The following SULT6B1 variants were observed in gnomAD, a reference collection of about 807,000 sequenced individuals.
SULT6B1 encodes the protein sulfotransferase family 6B member 1.
Under a neutral mutation model 37.2 loss-of-function variants are expected in SULT6B1, and 44 were observed. The observed-to-expected ratio is 1.18, with a 90% CI of 0.93 to 1.52. The LOEUF (loss-of-function observed/expected upper bound fraction) is 1.52. Among genes scored for constraint, SULT6B1 ranks in the 40% most tolerant of loss-of-function variants. The probability of loss-of-function intolerance (pLI) is 0.00; values close to 1 mark genes in which losing one functional copy is unlikely to be tolerated. For synonymous variants in SULT6B1, 140 were observed against 126.0 expected (o/e 1.11, Z -0.74); for missense variants, 450 against 361.0 (o/e 1.25, Z -2.00).
intron 5 of SULT6B1, among the ~76,000 whole-genome samples, 178 bp from the exon 6 acceptor site, chr2:37,171,768 A>G (rs1314584008): frequency 6.6e-6 from 1 of 152,174 alleles, no homozygotes. Context: ...TCTGTAAGAT[A>G]TTCTGTATTG....
rs56665951 is a variant in SULT6B1, at chr2:37,182,253, A to AT, written c.402+1171dup. Among the ~76,000 whole-genome samples the AT allele has an allele frequency of 4.1e-3, 560 of 137,434 alleles. 4 individuals are homozygous for AT. Among genetic ancestry groups the AT allele is most frequent in the South Asian group, 8.3e-3 (37 of 4,472 alleles). 90.2% of individuals were successfully genotyped at this position (137,434 alleles called of 152,430 possible). ...CTTGCTAGCATTCGGCAGAAGTTAA[A>AT]TTTTTTTTTTTTTTTTTTGAGACAA... On this transcript the variant is annotated intron_variant, in intron 3 of 6. Transcript: ENST00000535679.
chr2:37,173,397 A>AT (rs1676347169), intron 5 of SULT6B1, among the ~76,000 whole-genome samples: 1 of 152,132 alleles, frequency 6.6e-6, no homozygotes, highest in South Asian at 2.1e-4. Context: ...ACCTACGTAT[A>AT]TATTTCCATG....
intron 3 of SULT6B1, among the ~76,000 whole-genome samples, chr2:37,182,299 G>A (rs1243390088): frequency 2.0e-5 from 3 of 150,548 alleles, no homozygotes; most frequent in African/African-American, 7.4e-5. Flanking sequence ...TGCCGCCCAG[G>A]CTGGAGAGCA....
chr2:37,181,919 A>AG (rs1676559744), intron 3 of SULT6B1, among the ~76,000 whole-genome samples: 1 of 152,246 alleles, frequency 6.6e-6, no homozygotes, highest in Non-Finnish European at 1.5e-5. Flanking sequence ...AAGCTGGCTT[A>AG]GGGGATACTG....
chr2:37,187,362 T>G lies in SULT6B1; in HGVS notation c.305A>C (p.Lys102Thr). ...AAGGCTGGTTGTACTAACCTGATAT[T>G]TTTCTGAATCCCCACATTCAAGAAC... is the stretch of plus-strand genomic sequence containing the variant. The part of the protein sequence containing the change: ...FPVLECGDSE[K>T]YQRMKGFPSP... The change falls in exon 2 of 7, where the codon AAA becomes ACA. Residue 102 changes from lysine (K) to threonine (T), a missense_variant. Coordinates refer to ENST00000535679, the MANE Select transcript of SULT6B1 (RefSeq NM_001367551.1). 1 of 1,589,632 alleles carries G rather than the reference T, an allele frequency of 6.3e-7. No homozygotes were observed. Among genetic ancestry groups the G allele is most frequent in the Non-Finnish European group, 8.6e-7 (1 of 1,159,670 alleles).
rs990321629 is a variant in SULT6B1 at position 37,179,575 on chromosome 2, T to C, written c.412A>G (p.Ile138Val). ...GCTGTATCTTTAGGGTTTCGAAATA[T>C]CACCAATATCTAGGGAGCAAAAATT... ...IFENKAKILV[I>V]FRNPKDTAVS... The change falls in exon 4 of 7, where the codon ATA becomes GTA. Residue 138 changes from isoleucine (I) to valine (V), a missense_variant. Coordinates refer to ENST00000535679, the MANE Select transcript of SULT6B1 (RefSeq NM_001367551.1). 16 of 1,611,080 alleles carry C rather than the reference T, an allele frequency of 9.9e-6. No homozygotes were observed. Among genetic ancestry groups the C allele is most frequent in the Non-Finnish European group, 1.4e-5 (16 of 1,179,590 alleles).
At chr2:37,178,433 G>C (rs1404700543) in intron 4 of SULT6B1, among the ~76,000 whole-genome samples, 1 of 151,898 alleles carries the variant, frequency 6.6e-6, no homozygotes, top group Non-Finnish European at 1.5e-5. Context: ...ACGGGGTTTT[G>C]CCATGTTGGC....
chr2:37,190,451 T>C (rs868106012), upstream of SULT6B1, among the ~76,000 whole-genome samples: 17 of 152,334 alleles, frequency 1.1e-4, no homozygotes, highest in Middle Eastern at 3.4e-3. Context: ...AGTACTTGCA[T>C]GTACCACATC....
Position 37,171,494 on chromosome 2 carries a change from C to A in SULT6B1, c.721G>T (p.Ala241Ser). 6.2e-7 allele frequency: 1 copy of A among 1,614,164 alleles called. No homozygotes were observed. Among genetic ancestry groups the A allele is most frequent in the Non-Finnish European group, 8.5e-7 (1 of 1,180,028 alleles). Reference protein sequence around the residue: ...QTISVQSTFQAMRAKSQDTHG... With the variant: ...QTISVQSTFQSMRAKSQDTHG... ...GTGTCCTGAGACTTCGCACGCATGGCTTGGAAGGTGCTCTGGACTGAGATA... is the reference window on the plus strand; with the variant it reads ...GTGTCCTGAGACTTCGCACGCATGGATTGGAAGGTGCTCTGGACTGAGATA... The change falls in exon 6 of 7, where the codon GCC (alanine) becomes TCC (serine). Residue 241 changes from alanine to serine, a missense_variant. By Grantham distance (99) the Ala-to-Ser change is moderately conservative. Coordinates refer to ENST00000535679, the MANE Select transcript of SULT6B1 (RefSeq NM_001367551.1).
chr2:37,173,520 C>T (rs1466973672), intron 5 of SULT6B1, among the ~76,000 whole-genome samples: 1 of 152,134 alleles, frequency 6.6e-6, no homozygotes, highest in Non-Finnish European at 1.5e-5. Context: ...TCAATTAGGA[C>T]GACTAATAAA....
At chr2:37,191,412 C>T (rs533819734), upstream of SULT6B1, among the ~76,000 whole-genome samples, 3 of 152,308 alleles carry the variant, frequency 2.0e-5, no homozygotes, top group South Asian at 2.1e-4. Context: ...TATGTTATAG[C>T]TCATTCAGTC....
upstream of SULT6B1, among the ~76,000 whole-genome samples, chr2:37,191,553 T>G (rs1017160): frequency 0.055 from 8,338 of 152,238 alleles, 814 homozygotes; most frequent in East Asian, 0.38. Flanking sequence ...GTACCCACAT[T>G]TGGCAGATCG....
chr2:37,172,881 C>A (rs1676336883), intron 5 of SULT6B1, among the ~76,000 whole-genome samples: 1 of 149,942 alleles, frequency 6.7e-6, no homozygotes, highest in African/African-American at 2.5e-5. Flanking sequence ...GAGATGGAGT[C>A]TTGCTCTGTG....
upstream of SULT6B1, among the ~76,000 whole-genome samples, chr2:37,188,880 G>A (rs1021502245): frequency 3.3e-5 from 5 of 152,114 alleles, no homozygotes; most frequent in Non-Finnish European, 5.9e-5. Flanking sequence ...TGACCATTTC[G>A]GCAACCTGCC....
At chr2:37,175,302 A>T (rs1471373371) in intron 4 of SULT6B1, 76 bp from the exon 5 acceptor site, 1 of 772,546 alleles carries the variant, frequency 1.3e-6, no homozygotes, top group East Asian at 2.8e-5. Flanking sequence ...TATGCTATAA[A>T]ATATAAACTA....
rs11569747 is a variant in SULT6B1 at position 37,179,573 on chromosome 2, T to A, written c.414A>T (p.Ile138=). 1.2e-6 allele frequency: 2 copies of A among 1,610,952 alleles called. No individual in the cohort carries two copies. The highest frequency in any genetic ancestry group is 2.2e-5 in the South Asian group (2 of 90,240). Reference sequence around the variant, plus strand: ...CTGCTGTATCTTTAGGGTTTCGAAATATCACCAATATCTAGGGAGCAAAAA... The same window carrying A: ...CTGCTGTATCTTTAGGGTTTCGAAAAATCACCAATATCTAGGGAGCAAAAA... ...IFENKAKILV[I]FRNPKDTAVS... The change falls in exon 4 of 7, where the codon ATA becomes ATT. Residue 138 remains isoleucine, a synonymous_variant. Transcript: ENST00000535679.
chr2:37,183,447 G>C lies in SULT6B1; in HGVS notation c.380C>G (p.Ser127Cys), dbSNP rs1276675632. 6.2e-7 allele frequency: 1 copy of C among 1,614,024 alleles called. No homozygotes were observed. Among genetic ancestry groups the C allele is most frequent in the Non-Finnish European group, 8.5e-7 (1 of 1,179,906 alleles). The change falls in exon 3 of 7, where the codon TCT becomes TGT. Residue 127 changes from serine to cysteine, a missense_variant. Transcript: ENST00000535679. ...CACCTTGGCTTTATTCTCGAAGATA[G>C]ACCCAGGTAATTTGTCATAGTGGAG... ...THLHYDKLPGSIFENKAKILV... is the reference protein window; with the variant it reads ...THLHYDKLPGCIFENKAKILV...
chr2:37,193,643 A>AAGAAGGAGAAGAAGG (rs1553345893), upstream of SULT6B1, among the ~76,000 whole-genome samples: 6 of 132,378 alleles, frequency 4.5e-5, no homozygotes, highest in African/African-American at 1.8e-4. Flanking sequence ...GAAGAAGAAG[A>AAGAAGGAGAAGAAGG]AGAAGAAGGA....
chr2:37,171,067 C>T (rs148844216), intron 6 of SULT6B1, among the ~76,000 whole-genome samples: 155 of 152,186 alleles, frequency 1.0e-3, no homozygotes, highest in African/African-American at 3.6e-3. Flanking sequence ...TAAAACCCTG[C>T]CTTTACTAAA....
Sources: allele counts gnomAD v4.1 joint callset (sites outside exome capture counted in the v4.1 genomes callset), GRCh38; gene constraint gnomAD v4.1.1; transcripts MANE v1.5; gene names NCBI Gene and HGNC (gene_info 2026-07-23, HGNC 2026-07-21).